The following RASSF3 variants were observed in gnomAD, a reference collection of about 807,000 sequenced individuals.
The protein encoded by RASSF3 is ras association domain-containing protein 3.
In RASSF3, 19 loss-of-function variants were observed where a neutral mutation model predicts 19.9. The observed-to-expected ratio is 0.96, with a 90% confidence interval of 0.67 to 1.40. The LOEUF is 1.40. Ranked by LOEUF, RASSF3 falls within the 40% of genes most tolerant of loss-of-function variation. The pLI is 0.00. For missense variants in RASSF3, 306 were observed against 289.8 expected (o/e 1.06, Z -0.41); for synonymous variants, 110 against 104.2 (o/e 1.06, Z -0.34).
chr12:64,616,373 T>A (rs1473911760), intron 1 of RASSF3, among the ~76,000 whole-genome samples: 1 of 152,236 alleles, frequency 6.6e-6, no homozygotes, highest in Non-Finnish European at 1.5e-5. Flanking sequence ...TCAGTGCATG[T>A]CATACGGTTA....
chr12:64,560,624 C>T (rs1307703482), intron 2 of RASSF3, among the ~76,000 whole-genome samples: 1 of 152,224 alleles, frequency 6.6e-6, no homozygotes, highest in East Asian at 1.9e-4. Flanking sequence ...GTAGCATCCT[C>T]TTAGCCTACT....
At chr12:64,640,469 C>G (rs1331544936) in intron 1 of RASSF3, among the ~76,000 whole-genome samples, 1 of 152,162 alleles carries the variant, frequency 6.6e-6, no homozygotes, top group Non-Finnish European at 1.5e-5. Flanking sequence ...CCCTCTCTAC[C>G]TATACCCTGG....
chr12:64,668,847 A>G (rs1565866336), intron 1 of RASSF3, among the ~76,000 whole-genome samples: 1 of 150,848 alleles, frequency 6.6e-6, no homozygotes, highest in Non-Finnish European at 1.5e-5. Context: ...GCACCCAGCT[A>G]ATTTTTTGTA....
chr12:64,646,296 T>G (rs2136187259), intron 1 of RASSF3, among the ~76,000 whole-genome samples: 1 of 152,320 alleles, frequency 6.6e-6, no homozygotes, highest in East Asian at 1.9e-4. Flanking sequence ...ACCAGTTTTC[T>G]AACTGTGTTA....
chr12:64,684,427 G>GTT (rs1188238001), intron 1 of RASSF3, among the ~76,000 whole-genome samples: 169 of 59,048 alleles, frequency 2.9e-3, no homozygotes, highest in African/African-American at 8.5e-3. Context: ...CTGTTTGTTT[G>GTT]TTTGTTTGTT....
At chr12:64,514,155 G>A (rs574695401) in intron 1 of RASSF3, among the ~76,000 whole-genome samples, 2 of 148,080 alleles carry the variant, frequency 1.4e-5, no homozygotes, top group South Asian at 2.1e-4. Flanking sequence ...CCAAAGTGCT[G>A]GGATTACAGG....
chr12:64,540,816 G>C (rs987188977), intron 1 of RASSF3, among the ~76,000 whole-genome samples: 4 of 152,280 alleles, frequency 2.6e-5, no homozygotes, highest in South Asian at 2.1e-4. Flanking sequence ...CTGTTGCCCA[G>C]GCTGGAGTGC....
At chr12:64,601,499 T>G (rs929345044) in intron 2 of RASSF3, among the ~76,000 whole-genome samples, 4 of 152,128 alleles carry the variant, frequency 2.6e-5, no homozygotes, top group Non-Finnish European at 5.9e-5. Context: ...TTTAAAAAAT[T>G]TCAATTACCA....
At chr12:64,516,998 CAAAAAAA>C (rs371430838) in intron 1 of RASSF3, among the ~76,000 whole-genome samples, 19 of 51,972 alleles carry the variant, frequency 3.7e-4, no homozygotes, top group South Asian at 9.0e-4. Context: ...AAATCTGTCT[CAAAAAAA>C]AAAAAAAAAA....
At chr12:64,544,076 C>T (rs535219386), downstream of RASSF3, among the ~76,000 whole-genome samples, 224 of 152,274 alleles carry the variant, frequency 1.5e-3, 1 homozygote, top group Middle Eastern at 6.8e-3. Context: ...CTTGGCACCT[C>T]GGTGGGGGTC....
Position 64,688,254 on chromosome 12 carries a change from G to A in RASSF3, c.258G>A (p.Gln86=). The change falls in exon 3 of 5, where the codon CAG becomes CAA. Residue 86 remains glutamine, a synonymous_variant. Transcript: ENST00000542104. ...NGIYTGFIKV[Q]MELCKPPQTS... Reference sequence around the variant, plus strand: ...TTTACACTGGCTTCATTAAAGTACAGATGGAACTCTGCAAACCTCCACAGA... The same window carrying A: ...TTTACACTGGCTTCATTAAAGTACAAATGGAACTCTGCAAACCTCCACAGA... 6.2e-7 allele frequency: 1 copy of A among 1,614,154 alleles called. No homozygotes were observed. Among genetic ancestry groups the A allele is most frequent in the Admixed American group, 1.7e-5 (1 of 60,024 alleles).
intron 2 of RASSF3, among the ~76,000 whole-genome samples, chr12:64,590,461 T>C (rs1296406394): frequency 6.6e-6 from 1 of 152,152 alleles, no homozygotes; most frequent in African/African-American, 2.4e-5. Flanking sequence ...CACCCTTCAT[T>C]TTATTGTAGT....
In RASSF3 at chr12:64,614,633, C is replaced by T. The variant is rs977618437; in HGVS notation, c.111+3890C>T. 4.4e-4 allele frequency among the ~76,000 whole-genome samples: 67 copies of T among 151,824 alleles called. 1 individual carries two copies. The highest frequency in any genetic ancestry group is 1.3e-4 in the Non-Finnish European group (9 of 67,956). ...TTTAGCTATAAAAATAATTTTATGGCTCCATATTCCCTTTGCAAATAAGGA... is the reference window on the plus strand; with the variant it reads ...TTTAGCTATAAAAATAATTTTATGGTTCCATATTCCCTTTGCAAATAAGGA... On this transcript the variant is annotated intron_variant, in intron 1 of 4. Coordinates refer to ENST00000542104, the MANE Select transcript of RASSF3 (RefSeq NM_178169.4).
At chr12:64,644,530 C>T (rs990594273) in intron 1 of RASSF3, among the ~76,000 whole-genome samples, 4 of 151,668 alleles carry the variant, frequency 2.6e-5, no homozygotes, top group Admixed American at 6.6e-5. Flanking sequence ...ACCCCATCTC[C>T]GCAAAAAAAT....
At chr12:64,553,863 G>A (rs1869206411) in intron 2 of RASSF3, among the ~76,000 whole-genome samples, 2 of 151,754 alleles carry the variant, frequency 1.3e-5, no homozygotes, top group South Asian at 4.2e-4. Context: ...TGTAATCTTA[G>A]CAACTCGAGA....
chr12:64,639,469 C>T (rs1389348629), intron 1 of RASSF3, among the ~76,000 whole-genome samples: 2 of 151,824 alleles, frequency 1.3e-5, no homozygotes, highest in Non-Finnish European at 2.9e-5. Flanking sequence ...TTTGCGTGGC[C>T]TTAAAATTTC....
At chr12:64,538,860 C>T (rs1298433683) in intron 1 of RASSF3, among the ~76,000 whole-genome samples, 3 of 151,924 alleles carry the variant, frequency 2.0e-5, no homozygotes, top group South Asian at 2.1e-4. Flanking sequence ...CCTGGGCCAA[C>T]GGTGAAACTC....
chr12:64,534,277 A>G (rs1047348974), intron 1 of RASSF3, among the ~76,000 whole-genome samples: 1 of 152,000 alleles, frequency 6.6e-6, no homozygotes. Context: ...ATATAAAAGA[A>G]AAGACAGCCT....
Position 64,632,893 on chromosome 12 carries a change from A to G in RASSF3, c.111+22150A>G, listed in dbSNP as rs192774686. 6.6e-4 allele frequency among the ~76,000 whole-genome samples: 100 copies of G among 152,336 alleles called. 1 individual carries two copies. Among genetic ancestry groups the G allele is most frequent in the Middle Eastern group, 6.8e-3 (2 of 294 alleles). On this transcript the variant is annotated intron_variant, in intron 1 of 4. Transcript: ENST00000542104. ...TGATGTGGATATGGACTGGAAGAGT[A>G]AACTTCACAGACCATTTGAGTGTAT...
Sources: allele counts gnomAD v4.1 joint callset (sites outside exome capture counted in the v4.1 genomes callset), GRCh38; gene constraint gnomAD v4.1.1; transcripts MANE v1.5; gene names NCBI Gene and HGNC (gene_info 2026-07-23, HGNC 2026-07-21).